The following AHNAK variants were observed in gnomAD, a reference collection of about 807,000 sequenced individuals.
AHNAK encodes the protein neuroblast differentiation-associated protein AHNAK.
Under a neutral mutation model 37.8 loss-of-function variants are expected in AHNAK, and 23 were observed. That is an observed-to-expected ratio of 0.61 (90% CI 0.44 to 0.86). The LOEUF is 0.86. Ranked by LOEUF, AHNAK falls within the 40% of genes least tolerant of loss-of-function variation. The pLI is 0.00. For synonymous variants in AHNAK, 2,481 were observed against 2,636.3 expected, an observed-to-expected ratio of 0.94 and a Z score of 1.80; for missense variants, 7,411 against 7,319.4, an observed-to-expected ratio of 1.01 and a Z score of -0.46.
intron 4 of AHNAK, among the ~76,000 whole-genome samples, chr11:62,492,493 G>A (rs900820425): frequency 2.0e-5 from 3 of 152,180 alleles, no homozygotes; most frequent in Non-Finnish European, 2.9e-5. Flanking sequence ...AAACCAGTTC[G>A]TGGAGAACTA....
intron 5 of AHNAK, among the ~76,000 whole-genome samples, chr11:62,440,213 C>T (rs59665939): frequency 3.3e-5 from 5 of 151,844 alleles, no homozygotes; most frequent in Non-Finnish European, 7.4e-5. Context: ...TTCTCAAGCT[C>T]ACAGGGGCCT....
intron 1 of AHNAK, among the ~76,000 whole-genome samples, chr11:62,537,628 TA>T (rs1219093834): frequency 6.6e-6 from 1 of 151,714 alleles, no homozygotes; most frequent in African/African-American, 2.4e-5. Context: ...GAGAACAGCT[TA>T]CCCGGGGTAC....
rs1322819914 is a variant in AHNAK at position 62,521,388 on chromosome 11, A to G, written c.13029T>C (p.Ala4343=). The change falls in exon 5 of 5, where the codon GCT becomes GCC. Residue 4343 remains alanine, a synonymous_variant. Coordinates refer to ENST00000378024, the MANE Select transcript of AHNAK (RefSeq NM_001620.3). ...CTTTGGGGCCAGAAATCTCAATGTC[A>G]GCCTTAGGAAGGGTAACATCCACAT... ...GPDVDVTLPK[A]DIEISGPKVD... 1 of 1,613,650 alleles carries G rather than the reference A, an allele frequency of 6.2e-7. No individual in the cohort carries two copies. Among genetic ancestry groups the G allele is most frequent in the Non-Finnish European group, 8.5e-7 (1 of 1,179,934 alleles).
intron 5 of AHNAK, among the ~76,000 whole-genome samples, chr11:62,481,865 C>T (rs1255037154): frequency 6.6e-6 from 1 of 152,068 alleles, no homozygotes; most frequent in East Asian, 1.9e-4. Flanking sequence ...GCGCCTGGCC[C>T]TTCAATACTC....
In AHNAK at chr11:62,530,139, A is replaced by G; in HGVS notation, c.4278T>C (p.Asn1426=). ...PKMDAEVPDV[N]IEGPDAKLKG... ...TTAGTTTTGCGTCTGGACCTTCAATATTCACATCTGGAACTTCAGCATCCA... is the reference window on the plus strand; with the variant it reads ...TTAGTTTTGCGTCTGGACCTTCAATGTTCACATCTGGAACTTCAGCATCCA... The change falls in exon 5 of 5, where the codon AAT becomes AAC. Residue 1426 remains asparagine, a synonymous_variant. Coordinates refer to ENST00000378024, the MANE Select transcript of AHNAK (RefSeq NM_001620.3). The G allele has an allele frequency of 1.2e-6, 2 of 1,613,966 alleles. No individual in the cohort carries two copies. The highest frequency in any genetic ancestry group is 1.7e-6 in the Non-Finnish European group (2 of 1,180,002).
In AHNAK at chr11:62,519,992, T is replaced by C; in HGVS notation, c.14425A>G (p.Ile4809Val). Residue 4809 changes from isoleucine (I) to valine (V), a missense_variant, in exon 5 of 5, where the codon ATC (isoleucine) becomes GTC (valine). Coordinates refer to ENST00000378024, the MANE Select transcript of AHNAK (RefSeq NM_001620.3). ...TCCACCTTGGGTCCCGAGACATCGA[T>C]GTCGGCCTTGGGCAGGCTCACATCC... Reference protein sequence around the residue: ...DVDVSLPKADIDVSGPKVDVD... With the variant: ...DVDVSLPKADVDVSGPKVDVD... 1.9e-6 allele frequency: 3 copies of C among 1,613,494 alleles called. No homozygotes were observed. The highest frequency in any genetic ancestry group is 2.5e-6 in the Non-Finnish European group (3 of 1,179,886).
Position 62,519,178 on chromosome 11 carries a change from G to C in AHNAK, c.15239C>G (p.Thr5080Ser), listed in dbSNP as rs1304317602. The change falls in exon 5 of 5, where the codon ACC becomes AGC. Residue 5080 changes from threonine (T) to serine (S), a missense_variant. Thr to Ser is a moderately conservative substitution (Grantham distance 58). Transcript: ENST00000378024. ...ALKVDVKSPK[T>S]KKTMFGKMYF... ...CATTTTTCCAAACATCGTTTTCTTG[G>C]TTTTGGGCGATTTCACGTCGACTTT... 8 of 1,613,226 alleles carry C rather than the reference G, an allele frequency of 5.0e-6. No homozygotes were observed. Among genetic ancestry groups the C allele is most frequent in the Non-Finnish European group, 5.9e-6 (7 of 1,179,756 alleles).
At chr11:62,484,229 T>G (rs11231105) in intron 5 of AHNAK, among the ~76,000 whole-genome samples, 3,965 of 150,522 alleles carry the variant, frequency 0.026, 180 homozygotes, top group African/African-American at 0.092. Flanking sequence ...AAATTTTTTT[T>G]TAATTAGCTG....
intron 5 of AHNAK, among the ~76,000 whole-genome samples, chr11:62,489,671 G>C (rs576327086): frequency 4.3e-4 from 65 of 152,222 alleles, no homozygotes; most frequent in South Asian, 1.2e-3. Context: ...GACAGGGAGA[G>C]GGGGAGTGGA....
At chr11:62,434,691 G>A (rs1938120641) in intron 5 of AHNAK, among the ~76,000 whole-genome samples, 1 of 152,154 alleles carries the variant, frequency 6.6e-6, no homozygotes, top group Non-Finnish European at 1.5e-5. Flanking sequence ...ACTTTGGGAG[G>A]CCGAGGCAGG....
chr11:62,503,143 G>A (rs1311091807), intron 4 of AHNAK, among the ~76,000 whole-genome samples: 1 of 152,158 alleles, frequency 6.6e-6, no homozygotes, highest in Non-Finnish European at 1.5e-5. Context: ...AGTGAGTGGG[G>A]GACACGCCCT....
intron 5 of AHNAK, among the ~76,000 whole-genome samples, chr11:62,480,465 G>A (rs550530441): frequency 3.6e-4 from 54 of 151,956 alleles, no homozygotes; most frequent in African/African-American, 9.9e-4. Context: ...TTCAAGATCC[G>A]CCTGGCCAAG....
intron 5 of AHNAK, among the ~76,000 whole-genome samples, chr11:62,476,734 T>C (rs920338228): frequency 6.6e-6 from 1 of 152,092 alleles, no homozygotes; most frequent in Non-Finnish European, 1.5e-5. Flanking sequence ...AAAAAGTGGA[T>C]TTTAAACGAC....
chr11:62,524,770 G>C lies in AHNAK; in HGVS notation c.9647C>G (p.Ala3216Gly), dbSNP rs139131654. The C allele has an allele frequency of 2.5e-6, 4 of 1,614,018 alleles. No homozygotes were observed. The African/African-American group carries it at 5.3e-5, about 22-fold the overall frequency. ...CAAATCAGGCATTGATATTTTAGGA[G>C]CTTTGATGTTCATCTCTGGCATCTT... ...KFKMPEMNIK[A>G]PKISMPDLDL... Residue 3216 changes from alanine (A) to glycine (G), a missense_variant, in exon 5 of 5, where the codon GCT becomes GGT. Physicochemically the swap from Ala to Gly is moderately conservative, Grantham distance 60 (BLOSUM62 0). Transcript: ENST00000378024.
Position 62,531,677 on chromosome 11 carries a change from C to A in AHNAK, c.2740G>T (p.Gly914Cys). ...ADVDISGPKVGVEVPDVNIEG... is the reference protein window; with the variant it reads ...ADVDISGPKVCVEVPDVNIEG... Reference sequence around the variant, plus strand: ...ATATTCACATCTGGAACTTCAACACCCACCTTGGGTCCTGAGATGTCCACA... The same window carrying A: ...ATATTCACATCTGGAACTTCAACACACACCTTGGGTCCTGAGATGTCCACA... Residue 914 changes from glycine to cysteine, a missense_variant, in exon 5 of 5, where the codon GGT becomes TGT. Gly to Cys is a radical substitution (Grantham distance 159). Transcript: ENST00000378024. The A allele has an allele frequency of 6.2e-7, 1 of 1,614,050 alleles. No individual in the cohort carries two copies. The highest frequency in any genetic ancestry group is 8.5e-7 in the Non-Finnish European group (1 of 1,180,022).
In AHNAK at chr11:62,533,639, C is replaced by A. The variant is rs375123429; in HGVS notation, c.778G>T (p.Val260Phe). 1 of 1,614,164 alleles carries A rather than the reference C, an allele frequency of 6.2e-7. No homozygotes were observed. Residue 260 changes from valine to phenylalanine, a missense_variant, in exon 5 of 5, where the codon GTC becomes TTC. Transcript: ENST00000378024. ...GIKVGGSGVN[V>F]NAKGLDLGGR... ...CCCAAGTCCAAGCCCTTTGCATTGA[C>A]ATTGACACCTGAGCCTCCCACCTTT...
At chr11:62,465,075 C>A (rs958787570) in intron 5 of AHNAK, among the ~76,000 whole-genome samples, 3 of 152,164 alleles carry the variant, frequency 2.0e-5, no homozygotes, top group African/African-American at 7.2e-5. Flanking sequence ...TCTTCCTTTT[C>A]CTTTTCCTAG....
intron 5 of AHNAK, among the ~76,000 whole-genome samples, chr11:62,448,114 G>A (rs1202370033): frequency 6.6e-6 from 1 of 152,090 alleles, no homozygotes; most frequent in Admixed American, 6.6e-5. Context: ...ATGAAGACCT[G>A]AGGAAGGAAA....
Position 62,520,605 on chromosome 11 carries a change from A to C in AHNAK, c.13812T>G (p.Gly4604=). Residue 4604 remains glycine, a synonymous_variant, in exon 5 of 5, where the codon GGT becomes GGG. Coordinates refer to ENST00000378024, the MANE Select transcript of AHNAK (RefSeq NM_001620.3). The part of the protein sequence containing the change: ...SMPEVDLNLK[G]PKVKGDMDIS... ...TGTCCATGTCGCCCTTCACCTTTGGACCTTTCAGATTCAGGTCAACTTCAG... is the reference window on the plus strand; with the variant it reads ...TGTCCATGTCGCCCTTCACCTTTGGCCCTTTCAGATTCAGGTCAACTTCAG... 6.2e-7 allele frequency: 1 copy of C among 1,613,842 alleles called. No individual in the cohort carries two copies. Among genetic ancestry groups the C allele is most frequent in the Non-Finnish European group, 8.5e-7 (1 of 1,179,954 alleles).
Sources: allele counts gnomAD v4.1 joint callset (sites outside exome capture counted in the v4.1 genomes callset), GRCh38; gene constraint gnomAD v4.1.1; transcripts MANE v1.5; gene names NCBI Gene and HGNC (gene_info 2026-07-23, HGNC 2026-07-21).